The following DOCK11 variants were observed in gnomAD, a reference collection of about 807,000 sequenced individuals.
DOCK11 encodes dedicator of cytokinesis protein 11.
Under a neutral mutation model 169.1 loss-of-function variants are expected in DOCK11, and 70 were observed. The ratio of observed to expected loss-of-function variants is 0.41; its 90% CI spans 0.34 to 0.51. The LOEUF (loss-of-function observed/expected upper bound fraction) is 0.51, where lower values mean the gene tolerates loss of function less well. DOCK11 is among the 20% of genes least tolerant of loss of function. The pLI, the probability that DOCK11 is intolerant of heterozygous loss-of-function variation, is 0.10. For missense variants in DOCK11, 1,166 were observed against 1,538.8 expected (o/e 0.76, Z 4.05); for synonymous variants, 529 against 541.3 (o/e 0.98, Z 0.32).
chrX:118,608,000 G>A, intron 24 of DOCK11, 72 bp from the exon 25 acceptor site: 1 of 927,966 alleles, frequency 1.1e-6, no homozygotes, highest in South Asian at 2.3e-5. Context: ...GGCTAGACAT[G>A]ACGATCTTAA....
intron 38 of DOCK11, 78 bp downstream of exon 38, chrX:118,639,655 G>T: frequency 2.9e-6 from 3 of 1,033,921 alleles, no homozygotes; most frequent in East Asian, 3.1e-5. Flanking sequence ...GAAGGTGATG[G>T]ATACCATAAA....
intron 24 of DOCK11, among the ~76,000 whole-genome samples, chrX:118,607,062 T>C (rs1029916729): frequency 9.3e-6 from 1 of 107,670 alleles, no homozygotes. Flanking sequence ...CCTTTCCTTT[T>C]CCTTTTCCTT....
In DOCK11 at chrX:118,588,153, A is replaced by G; in HGVS notation, c.1812A>G (p.Ser604=). The G allele has an allele frequency of 8.4e-7, 1 of 1,191,087 alleles. No individual in the cohort carries two copies. Among genetic ancestry groups the G allele is most frequent in the Non-Finnish European group, 1.1e-6 (1 of 887,638 alleles). ...CTGCTATAGATTGTATTACTTCTTC[A>G]TATGTGCCCTTGAAGCCTTTTGAAA... is the stretch of plus-strand genomic sequence containing the variant. ...PVDLSNCITS[S]YVPLKPFEKN... is the part of the protein sequence containing the mutation. Residue 604 remains serine (S), a synonymous_variant, in exon 17 of 53, where the codon TCA becomes TCG. Coordinates refer to ENST00000276202, the MANE Select transcript of DOCK11 (RefSeq NM_144658.4).
intron 12 of DOCK11, among the ~76,000 whole-genome samples, chrX:118,577,796 G>A (rs975911626): frequency 1.8e-4 from 20 of 111,733 alleles, no homozygotes; most frequent in African/African-American, 5.9e-4. Flanking sequence ...GGAAAAAAAC[G>A]AAATTTTGGT....
At chrX:118,580,880 C>A (rs2013611478) in intron 14 of DOCK11, among the ~76,000 whole-genome samples, 1 of 112,057 alleles carries the variant, frequency 8.9e-6, no homozygotes, top group African/African-American at 3.2e-5. Flanking sequence ...TAGAATATTT[C>A]TGGAAAACAT....
intron 7 of DOCK11, 86 bp from the exon 8 acceptor site, chrX:118,565,919 T>G: frequency 1.0e-6 from 1 of 964,139 alleles, no homozygotes. Flanking sequence ...TGCACTAAGC[T>G]GAGATAAAAA....
chrX:118,544,645 CTTTTTTTTTTTTTTTTTTT>C (rs1157804079), intron 4 of DOCK11, among the ~76,000 whole-genome samples: 1 of 23,343 alleles, frequency 4.3e-5, no homozygotes, highest in East Asian at 1.5e-3. Flanking sequence ...TACACTGTTG[CTTTTTTTTTTTTTTTTTTT>C]TTTTTTTTTT....
intron 40 of DOCK11, among the ~76,000 whole-genome samples, chrX:118,647,513 A>T (rs1221789785): frequency 4.5e-5 from 3 of 66,457 alleles, no homozygotes; most frequent in Non-Finnish European, 7.7e-5. Context: ...ATTATATAAT[A>T]ATATAATATA....
chrX:118,521,634 C>T (rs1196515138), intron 1 of DOCK11, among the ~76,000 whole-genome samples: 1 of 112,395 alleles, frequency 8.9e-6, no homozygotes, highest in African/African-American at 3.2e-5. Flanking sequence ...TTGTAGTTCA[C>T]GCAATAGTCA....
At chrX:118,523,334 T>C (rs2147323569) in intron 1 of DOCK11, among the ~76,000 whole-genome samples, 1 of 112,541 alleles carries the variant, frequency 8.9e-6, no homozygotes, top group African/African-American at 3.2e-5. Context: ...TATGTCTAGG[T>C]GGAGACCTTT....
At chrX:118,644,549 T>C (rs940431572) in intron 40 of DOCK11, among the ~76,000 whole-genome samples, 47 of 112,019 alleles carry the variant, frequency 4.2e-4, no homozygotes, top group African/African-American at 1.4e-3. Context: ...ATATAGTCCC[T>C]AAAGGCTTAT....
intron 1 of DOCK11, among the ~76,000 whole-genome samples, chrX:118,497,877 C>T (rs1267926697): frequency 8.9e-6 from 1 of 112,409 alleles, no homozygotes; most frequent in Non-Finnish European, 1.9e-5. Context: ...GACCTGCCAC[C>T]CTAGCAGCAA....
At chrX:118,579,970 GGCT>G in intron 13 of DOCK11, 124 bp from the exon 14 acceptor site, 1 of 491,165 alleles carries the variant, frequency 2.0e-6, no homozygotes, top group Non-Finnish European at 3.3e-6. Flanking sequence ...TTCTGCTTGT[GGCT>G]ATTTCTATAT....
chrX:118,554,481 C>T (rs1468765442), intron 6 of DOCK11, among the ~76,000 whole-genome samples: 1 of 111,297 alleles, frequency 9.0e-6, no homozygotes, highest in Admixed American at 9.5e-5. Context: ...ACCCGAGAGG[C>T]AGAGGTTGCA....
At chrX:118,521,132 C>G (rs923656288) in intron 1 of DOCK11, among the ~76,000 whole-genome samples, 13 of 112,021 alleles carry the variant, frequency 1.2e-4, no homozygotes, top group African/African-American at 4.2e-4. Flanking sequence ...GAAGAAACAT[C>G]TAGTTGGAAA....
intron 1 of DOCK11, among the ~76,000 whole-genome samples, chrX:118,513,144 C>T (rs1034662767): frequency 1.8e-5 from 2 of 112,002 alleles, no homozygotes; most frequent in African/African-American, 6.5e-5. Flanking sequence ...TGTGGGCACA[C>T]TCCTTCTCTC....
intron 10 of DOCK11, among the ~76,000 whole-genome samples, chrX:118,572,064 C>G (rs1487418036): frequency 8.9e-6 from 1 of 112,124 alleles, no homozygotes; most frequent in Non-Finnish European, 1.9e-5. Context: ...CCATGTAGGG[C>G]TTTGTAGGCC....
Position 118,580,139 on chromosome X carries a change from C to A in DOCK11, c.1555C>A (p.Arg519Ser). ...CAGGACAGCTAAACAAGTGTGTAGC[C>A]GCCTTGGACAATACAGAATGCCCTT... The part of the protein sequence containing the change: ...VHRTAKQVCS[R>S]LGQYRMPFAW... Residue 519 changes from arginine (R) to serine (S), a missense_variant, in exon 14 of 53, where the codon CGC becomes AGC. Arg to Ser is a moderately radical substitution (Grantham distance 110). Coordinates refer to ENST00000276202, the MANE Select transcript of DOCK11 (RefSeq NM_144658.4). 8.3e-7 allele frequency: 1 copy of A among 1,209,383 alleles called. No homozygotes were observed.
At chrX:118,558,727 T>C (rs745891784) in intron 6 of DOCK11, among the ~76,000 whole-genome samples, 1 of 112,557 alleles carries the variant, frequency 8.9e-6, no homozygotes, top group African/African-American at 3.2e-5. Flanking sequence ...GAGATGACTT[T>C]TAAAAATATT....
Sources: allele counts gnomAD v4.1 joint callset (sites outside exome capture counted in the v4.1 genomes callset), GRCh38; gene constraint gnomAD v4.1.1; transcripts MANE v1.5; gene names NCBI Gene and HGNC (gene_info 2026-07-23, HGNC 2026-07-21).